Variants in ADGRL4 observed in about 807,000 individuals in gnomAD.
ADGRL4 encodes EGF, latrophilin and seven transmembrane domain containing 1.
Under a neutral mutation model 74.8 loss-of-function variants are expected in ADGRL4, and 90 were observed. The observed-to-expected ratio is 1.20, with a 90% CI of 1.02 to 1.43. The LOEUF (loss-of-function observed/expected upper bound fraction) is 1.43, where lower values mean the gene tolerates loss of function less well. Ranked by LOEUF, ADGRL4 falls within the 40% of genes most tolerant of loss-of-function variation. ADGRL4 has a pLI of 0.00. For missense variants in ADGRL4, 881 were observed against 814.3 expected, an observed-to-expected ratio of 1.08 and a Z score of -1.00; for synonymous variants, 311 against 279.2, an observed-to-expected ratio of 1.11 and a Z score of -1.14.
At chr1:78,904,768 T>G (rs1648595074) in intron 12 of ADGRL4, among the ~76,000 whole-genome samples, 1 of 152,092 alleles carries the variant, frequency 6.6e-6, no homozygotes, top group Admixed American at 6.6e-5. Flanking sequence ...CTTACTTTCC[T>G]TGCGTGTAAA....
At chr1:78,898,511 A>AT (rs553905904) in intron 12 of ADGRL4, among the ~76,000 whole-genome samples, 6,428 of 144,624 alleles carry the variant, frequency 0.044, 154 homozygotes, top group Middle Eastern at 0.068. Flanking sequence ...CTTTTGTCTC[A>AT]TTTTTTTTTT....
chr1:78,939,111 G>C, intron 4 of ADGRL4, 77 bp downstream of exon 4: 1 of 1,427,300 alleles, frequency 7.0e-7, no homozygotes, highest in Non-Finnish European at 9.3e-7. Flanking sequence ...TACTCTTCTT[G>C]AAATGTGTGA....
chr1:78,936,692 T>C (rs1463739217), intron 6 of ADGRL4, among the ~76,000 whole-genome samples: 2 of 152,186 alleles, frequency 1.3e-5, no homozygotes, highest in African/African-American at 2.4e-5. Flanking sequence ...TATAAAATTA[T>C]AATTACTAAA....
intron 2 of ADGRL4, among the ~76,000 whole-genome samples, chr1:78,994,033 G>A (rs1343531249): frequency 6.6e-6 from 1 of 152,116 alleles, no homozygotes; most frequent in Admixed American, 6.6e-5. Context: ...AGGCATTAGT[G>A]CCAATATTTC....
intron 3 of ADGRL4, among the ~76,000 whole-genome samples, chr1:78,945,642 T>G (rs1385780178): frequency 1.3e-5 from 2 of 152,130 alleles, no homozygotes. Context: ...AAAAATTGTC[T>G]AGGTACTCCC....
intron 12 of ADGRL4, among the ~76,000 whole-genome samples, chr1:78,902,144 A>G (rs1400818239): frequency 6.6e-6 from 1 of 152,158 alleles, no homozygotes; most frequent in Non-Finnish European, 1.5e-5. Flanking sequence ...TCTACCAGGC[A>G]TTGACTGCAG....
intron 2 of ADGRL4, among the ~76,000 whole-genome samples, chr1:78,949,398 G>A (rs1288576290): frequency 6.6e-6 from 1 of 152,048 alleles, no homozygotes; most frequent in Non-Finnish European, 1.5e-5. Flanking sequence ...TTCTTATCAA[G>A]AATTTGGAAA....
chr1:78,950,658 A>G (rs1003653106), intron 2 of ADGRL4, among the ~76,000 whole-genome samples: 1 of 152,132 alleles, frequency 6.6e-6, no homozygotes, highest in East Asian at 1.9e-4. Context: ...TAAACAGGTG[A>G]TAGCTACATG....
chr1:78,894,969 G>A (rs1251772651), intron 12 of ADGRL4, among the ~76,000 whole-genome samples: 1 of 151,900 alleles, frequency 6.6e-6, no homozygotes. Context: ...TTTTGGATAT[G>A]CTCTTCTACA....
intron 2 of ADGRL4, among the ~76,000 whole-genome samples, chr1:78,952,988 C>A (rs925449762): frequency 1.3e-5 from 2 of 152,120 alleles, no homozygotes; most frequent in African/African-American, 4.8e-5. Context: ...AAATGCAGCA[C>A]TTAAGAAAAT....
chr1:78,983,347 A>G (rs1650433048), intron 2 of ADGRL4, among the ~76,000 whole-genome samples: 1 of 151,884 alleles, frequency 6.6e-6, no homozygotes, highest in Non-Finnish European at 1.5e-5. Context: ...GCTATGTTGA[A>G]AACATTAAAG....
chr1:78,940,880 A>G (rs1008421266), intron 3 of ADGRL4, among the ~76,000 whole-genome samples: 4 of 152,180 alleles, frequency 2.6e-5, no homozygotes, highest in African/African-American at 9.6e-5. Context: ...CCAAAACTGA[A>G]AATGGAAAGT....
intron 2 of ADGRL4, among the ~76,000 whole-genome samples, chr1:78,947,514 C>A (rs932008398): frequency 1.3e-5 from 2 of 152,122 alleles, no homozygotes; most frequent in African/African-American, 2.4e-5. Context: ...CATGGTTCTG[C>A]TGACACCTTG....
chr1:78,893,113 C>A lies in ADGRL4; in HGVS notation c.1826G>T (p.Cys609Phe). The A allele has an allele frequency of 1.3e-6, 2 of 1,573,024 alleles. No homozygotes were observed. Among genetic ancestry groups the A allele is most frequent in the South Asian group, 1.2e-5 (1 of 84,814 alleles). Residue 609 changes from cysteine (C) to phenylalanine (F), a missense_variant, in exon 13 of 15, where the codon TGC becomes TTC. Coordinates refer to ENST00000370742, the MANE Select transcript of ADGRL4 (RefSeq NM_022159.4). The stretch of plus-strand genomic sequence containing the variant: ...ACGCATTTACCTTATGTTCTCAAAG[C>A]AACTAACTTCTGGTTTCAACCCTGC... ...HTAGLKPEVS[C>F]FENIRSCARG... is the part of the protein sequence containing the mutation.
At chr1:78,896,070 T>TC (rs1648391535) in intron 12 of ADGRL4, among the ~76,000 whole-genome samples, 1 of 151,964 alleles carries the variant, frequency 6.6e-6, no homozygotes, top group East Asian at 1.9e-4. Flanking sequence ...TTGAACCTAT[T>TC]TATGTACTCT....
At chr1:79,000,149 A>G (rs1253616569) in intron 2 of ADGRL4, among the ~76,000 whole-genome samples, 2 of 152,134 alleles carry the variant, frequency 1.3e-5, no homozygotes, top group African/African-American at 2.4e-5. Flanking sequence ...TAAATATTCA[A>G]TGAATCCATC....
chr1:78,980,961 T>C (rs1570269742), intron 2 of ADGRL4, among the ~76,000 whole-genome samples: 2 of 151,982 alleles, frequency 1.3e-5, no homozygotes, highest in Admixed American at 6.6e-5. Flanking sequence ...CAGGTTAGTC[T>C]CCCTTATGTT....
intron 4 of ADGRL4, among the ~76,000 whole-genome samples, 186 bp from the exon 5 acceptor site, chr1:78,938,465 G>A (rs753149220): frequency 7.9e-5 from 12 of 152,080 alleles, no homozygotes; most frequent in Admixed American, 2.6e-4. Context: ...CAAGAGATTA[G>A]CAAATAACTT....
At chr1:78,920,520 G>A (rs1648975601) in intron 9 of ADGRL4, 134 bp from the exon 10 acceptor site, 2 of 620,668 alleles carry the variant, frequency 3.2e-6, no homozygotes, top group South Asian at 2.4e-5. Context: ...ATATAAATGT[G>A]CATTTAGATG....
Sources: gnomAD v4.1 joint callset for allele counts (sites outside exome capture counted in the v4.1 genomes callset) on GRCh38, gnomAD v4.1.1 for gene constraint, MANE v1.5 for transcripts, NCBI Gene and HGNC (gene_info 2026-07-23, HGNC 2026-07-21) for gene names.